DENND1A: variants seen among roughly 807,000 people sequenced by gnomAD.
The protein encoded by DENND1A is DENN domain containing 1A.
Under a neutral mutation model 113.7 loss-of-function variants are expected in DENND1A, and 51 were observed. That is an observed-to-expected ratio of 0.45 (90% CI 0.36 to 0.57). The LOEUF is 0.57. Among genes scored for constraint, DENND1A ranks in the 20% least tolerant of loss-of-function variants. The probability of loss-of-function intolerance (pLI) is 0.00; values close to 1 mark genes in which losing one functional copy is unlikely to be tolerated. For synonymous variants in DENND1A, 565 were observed against 570.8 expected (o/e 0.99, Z 0.14); for missense variants, 1,258 against 1,395.9 (o/e 0.90, Z 1.57).
At chr9:123,904,186 A>T (rs1852308262) in intron 1 of DENND1A, among the ~76,000 whole-genome samples, 1 of 152,246 alleles carries the variant, frequency 6.6e-6, no homozygotes, top group Non-Finnish European at 1.5e-5. Flanking sequence ...GAAAACTAAC[A>T]AACAGGACAT....
At chr9:123,532,941 C>A (rs2055445615) in intron 13 of DENND1A, among the ~76,000 whole-genome samples, 1 of 152,178 alleles carries the variant, frequency 6.6e-6, no homozygotes. Context: ...GCATCTTAAA[C>A]CTGGATAAAT....
intron 1 of DENND1A, among the ~76,000 whole-genome samples, chr9:123,916,987 C>CTCA (rs1324940612): frequency 6.6e-6 from 1 of 151,824 alleles, no homozygotes; most frequent in African/African-American, 2.4e-5. Flanking sequence ...GTCAGGAGAC[C>CTCA]AGCCTGGCCA....
chr9:123,647,177 A>C (rs1242070876), intron 9 of DENND1A, among the ~76,000 whole-genome samples: 1 of 152,076 alleles, frequency 6.6e-6, no homozygotes, highest in Non-Finnish European at 1.5e-5. Flanking sequence ...AAAAATTTTG[A>C]ATTATATTAA....
rs1209755926 is a variant in DENND1A at position 123,404,183 on chromosome 9, C to T, written c.1543-693G>A. ...CCTAACCCCACAGCTGCTGCAGCAG[C>T]GGGATGGGTTTTTCTGACCCGCTGT... is the stretch of plus-strand genomic sequence containing the variant. On this transcript the variant is annotated intron_variant, in intron 20 of 23. Coordinates refer to ENST00000394215, the MANE Select transcript of DENND1A (RefSeq NM_001352964.2). Among the ~76,000 whole-genome samples the T allele has an allele frequency of 2.6e-5, 4 of 152,192 alleles. 1 individual carries two copies. The South Asian group carries it at 6.2e-4, about 24-fold the overall frequency.
intron 13 of DENND1A, among the ~76,000 whole-genome samples, chr9:123,470,237 G>T (rs950004308): frequency 6.6e-6 from 1 of 152,144 alleles, no homozygotes; most frequent in Non-Finnish European, 1.5e-5. Context: ...GGTGAGAGCT[G>T]ACATGAGTGA....
At chr9:123,667,391 G>C (rs573138753) in intron 7 of DENND1A, among the ~76,000 whole-genome samples, 9 of 152,268 alleles carry the variant, frequency 5.9e-5, no homozygotes, top group African/African-American at 1.9e-4. Flanking sequence ...AAGGCAGGTA[G>C]ATCACATGAG....
chr9:123,928,374 G>C (rs1234123775), intron 1 of DENND1A, among the ~76,000 whole-genome samples: 1 of 152,214 alleles, frequency 6.6e-6, no homozygotes, highest in African/African-American at 2.4e-5. Flanking sequence ...TTGGCTTCTG[G>C]AAAGTGTTTC....
chr9:123,492,626 A>ATT (rs2051475338), intron 13 of DENND1A: 2 of 152,220 alleles, frequency 1.3e-5, no homozygotes, highest in South Asian at 4.1e-4. Flanking sequence ...ACACTTTTTT[A>ATT]AATACAAGAA....
chr9:123,672,538 G>C (rs2063817047), intron 6 of DENND1A, among the ~76,000 whole-genome samples: 1 of 152,282 alleles, frequency 6.6e-6, no homozygotes, highest in African/African-American at 2.4e-5. Flanking sequence ...TGGTTTAAAT[G>C]GTTCCCCCAA....
At chr9:123,537,249 A>G (rs2055854645) in intron 13 of DENND1A, among the ~76,000 whole-genome samples, 1 of 152,108 alleles carries the variant, frequency 6.6e-6, no homozygotes, top group African/African-American at 2.4e-5. Flanking sequence ...TATAAGAAAA[A>G]AAGAACTAGA....
At chr9:123,472,197 T>C (rs556564907) in intron 13 of DENND1A, among the ~76,000 whole-genome samples, 10 of 152,208 alleles carry the variant, frequency 6.6e-5, no homozygotes, top group African/African-American at 2.2e-4. Context: ...CTTCTGTACC[T>C]GTCATTCCAC....
chr9:123,528,263 T>TGTC (rs1308439875), intron 13 of DENND1A, among the ~76,000 whole-genome samples: 3 of 152,192 alleles, frequency 2.0e-5, no homozygotes, highest in Non-Finnish European at 4.4e-5. Context: ...TCTCATTACT[T>TGTC]TCCTAGCAAG....
chr9:123,559,806 T>C (rs2057633751), intron 12 of DENND1A, among the ~76,000 whole-genome samples: 1 of 152,190 alleles, frequency 6.6e-6, no homozygotes, highest in African/African-American at 2.4e-5. Context: ...AGAAACCTCA[T>C]ACTCATTAGC....
intron 13 of DENND1A, among the ~76,000 whole-genome samples, chr9:123,495,329 G>A (rs908883003): frequency 6.6e-6 from 1 of 152,136 alleles, no homozygotes; most frequent in Non-Finnish European, 1.5e-5. Context: ...TCTGAGAGCT[G>A]GGAATAGCTC....
At chr9:123,399,630 C>T (rs748916971) in intron 21 of DENND1A, among the ~76,000 whole-genome samples, 1 of 152,202 alleles carries the variant, frequency 6.6e-6, no homozygotes, top group African/African-American at 2.4e-5. Context: ...GTTTCTTTGG[C>T]GGTGAGAAGA....
chr9:123,693,804 A>ATATTAT (rs72061275), intron 5 of DENND1A, among the ~76,000 whole-genome samples: 27,706 of 140,004 alleles, frequency 0.2, 2,971 homozygotes, highest in Non-Finnish European at 0.21. Flanking sequence ...TTCATTAGCT[A>ATATTAT]TATTATTATT....
At chr9:123,922,300 T>C (rs952849709) in intron 1 of DENND1A, among the ~76,000 whole-genome samples, 2 of 152,156 alleles carry the variant, frequency 1.3e-5, no homozygotes, top group Non-Finnish European at 2.9e-5. Flanking sequence ...GTAAAAACTA[T>C]TTACACAGTT....
At chr9:123,387,907 C>T in intron 21 of DENND1A, 49 bp from the exon 22 acceptor site, 1 of 1,274,782 alleles carries the variant, frequency 7.8e-7, no homozygotes, top group Non-Finnish European at 1.0e-6. Context: ...TTAGGGGCGC[C>T]CTCAGAACTT....
intron 13 of DENND1A, among the ~76,000 whole-genome samples, chr9:123,473,952 C>T (rs1030759560): frequency 3.3e-5 from 5 of 150,400 alleles, no homozygotes; most frequent in East Asian, 2.0e-4. Flanking sequence ...CTCAGGGTTC[C>T]GCTCTGTAAA....
Sources: allele counts gnomAD v4.1 joint callset (sites outside exome capture counted in the v4.1 genomes callset), GRCh38; gene constraint gnomAD v4.1.1; transcripts MANE v1.5; gene names NCBI Gene and HGNC (gene_info 2026-07-23, HGNC 2026-07-21).